PCDHGA1: variants seen among roughly 807,000 people sequenced by gnomAD.
The protein encoded by PCDHGA1 is protocadherin gamma-A1.
PCDHGA1 carries 32 observed loss-of-function variants against 58.0 expected under a neutral mutation model. That is an observed-to-expected ratio of 0.55 (90% CI 0.42 to 0.74). The LOEUF (loss-of-function observed/expected upper bound fraction) is 0.74. PCDHGA1 is among the 30% of genes least tolerant of loss of function. PCDHGA1 has a pLI of 0.00. For synonymous variants in PCDHGA1, 498 were observed against 501.1 expected, an observed-to-expected ratio of 0.99 and a Z score of 0.08; for missense variants, 1,205 against 1,182.3, an observed-to-expected ratio of 1.02 and a Z score of -0.28.
chr5:141,419,621 G>T, intron 1 of PCDHGA1: 2 of 1,612,306 alleles, frequency 1.2e-6, no homozygotes, highest in Non-Finnish European at 1.7e-6. Context: ...AGGCTACCTG[G>T]TGACCAAGGT....
At chr5:141,481,913 C>CAAAAA (rs34114744) in intron 1 of PCDHGA1, among the ~76,000 whole-genome samples, 2 of 90,852 alleles carry the variant, frequency 2.2e-5, no homozygotes, top group Non-Finnish European at 4.4e-5. Flanking sequence ...AACTCCATCT[C>CAAAAA]AAAAAAAAAA....
chr5:141,478,652 G>A (rs188883724), intron 1 of PCDHGA1: 2 of 1,551,970 alleles, frequency 1.3e-6, no homozygotes, highest in East Asian at 2.4e-5. Flanking sequence ...TGTTTTCCTG[G>A]TGATGCATTC....
intron 1 of PCDHGA1, chr5:141,399,623 C>A: frequency 6.2e-7 from 1 of 1,613,920 alleles, no homozygotes; most frequent in South Asian, 1.1e-5. Context: ...GCACTGGCCT[C>A]TTACGTGTCC....
At chr5:141,390,432 C>A in intron 1 of PCDHGA1, 2 of 985,350 alleles carry the variant, frequency 2.0e-6, no homozygotes, top group Admixed American at 2.8e-5. Context: ...GCTGTCATAT[C>A]ATTCTACAAA....
intron 1 of PCDHGA1, chr5:141,345,061 A>G: frequency 6.2e-7 from 1 of 1,613,974 alleles, no homozygotes; most frequent in Non-Finnish European, 8.5e-7. Flanking sequence ...GTGAATGACA[A>G]TGCTCCAGAA....
intron 1 of PCDHGA1, among the ~76,000 whole-genome samples, chr5:141,473,195 C>T (rs1053769499): frequency 6.6e-6 from 1 of 152,104 alleles, no homozygotes; most frequent in African/African-American, 2.4e-5. Flanking sequence ...GTAAATGTAT[C>T]TTCTAAAAAA....
chr5:141,356,104 A>G lies in PCDHGA1; in HGVS notation c.2421+22999A>G, dbSNP rs763528385. On this transcript the variant is annotated intron_variant, in intron 1 of 3. Transcript: ENST00000517417. ...GTTGAATTCTCTGAGTGGGGATATA[A>G]CAATATTGGGGGGTCTAGATTATGA... 184 of 1,613,800 alleles carry G rather than the reference A, an allele frequency of 1.1e-4. 1 individual carries two copies. In the South Asian group the frequency reaches 1.8e-3, roughly 16 times the overall value.
At chr5:141,352,377 C>A in intron 1 of PCDHGA1, 1 of 1,614,038 alleles carries the variant, frequency 6.2e-7, no homozygotes, top group South Asian at 1.1e-5. Flanking sequence ...GTGATTCTAG[C>A]GATCGCCCTG....
intron 1 of PCDHGA1, chr5:141,357,596 A>AAACAAAAGG: frequency 6.2e-7 from 1 of 1,614,148 alleles, no homozygotes; most frequent in Non-Finnish European, 8.5e-7. Context: ...GATTTACTTG[A>AAACAAAAGG]AACAAAAGGA....
At chr5:141,441,747 G>A in intron 1 of PCDHGA1, 2 of 372,470 alleles carry the variant, frequency 5.4e-6, no homozygotes, top group Non-Finnish European at 5.4e-6. Flanking sequence ...CGCGCTCGGC[G>A]TCAACGTGAG....
intron 1 of PCDHGA1, chr5:141,416,818 C>T (rs766541497): frequency 9.9e-5 from 15 of 151,960 alleles, no homozygotes; most frequent in Admixed American, 2.6e-4. Flanking sequence ...AAAAGCATTC[C>T]GAAGTTTCTC....
chr5:141,397,609 G>A (rs2093544805), intron 1 of PCDHGA1, among the ~76,000 whole-genome samples: 1 of 152,186 alleles, frequency 6.6e-6, no homozygotes. Flanking sequence ...AGTGACAAGG[G>A]CAATACTTAG....
chr5:141,371,481 G>A (rs1296629306), intron 1 of PCDHGA1: 1 of 1,613,956 alleles, frequency 6.2e-7, no homozygotes, highest in South Asian at 1.1e-5. Flanking sequence ...TGCTGAGCTG[G>A]GGACTGCCGT....
chr5:141,339,848 G>A (rs759098844), intron 1 of PCDHGA1: 2 of 1,614,052 alleles, frequency 1.2e-6, no homozygotes, highest in Admixed American at 1.7e-5. Flanking sequence ...AGAGGTATTT[G>A]AGCTTAAGTC....
Position 141,491,925 on chromosome 5 carries a change from G to C in PCDHGA1, c.2422-2882G>C. On this transcript the variant is annotated intron_variant, in intron 1 of 3. Coordinates refer to ENST00000517417, the MANE Select transcript of PCDHGA1 (RefSeq NM_018912.3). This position sits in a 1 kb window ranked among gnomAD's most constrained non-coding sequence, Gnocchi z 6.9. ...GGGTGGTGGCGACTGTGGGCGAGGG[G>C]AGGTGGGACCGACCCCCACCCCTAC... 1 of 1,325,176 alleles carries C rather than the reference G, an allele frequency of 7.5e-7. No individual in the cohort carries two copies. Among genetic ancestry groups the C allele is most frequent in the Non-Finnish European group, 1.0e-6 (1 of 987,300 alleles). The allele number at this position is 1,325,176 out of a possible 1,614,324, so 82.1% of individuals were successfully genotyped here.
At chr5:141,351,748 G>A in intron 1 of PCDHGA1, 1 of 1,613,678 alleles carries the variant, frequency 6.2e-7, no homozygotes. Flanking sequence ...AGCCGCGGGA[G>A]CTGTTGTCCT....
intron 1 of PCDHGA1, chr5:141,355,283 C>T: frequency 6.2e-7 from 1 of 1,613,722 alleles, no homozygotes; most frequent in East Asian, 2.2e-5. Flanking sequence ...GAAATCAGGG[C>T]CGAACAGATT....
intron 1 of PCDHGA1, among the ~76,000 whole-genome samples, chr5:141,459,386 T>C (rs1283863283): frequency 6.6e-6 from 1 of 152,260 alleles, no homozygotes; most frequent in African/African-American, 2.4e-5. Context: ...GTGTTCCATT[T>C]GATTGTTGAG....
At chr5:141,480,525 A>G (rs191522157) in intron 1 of PCDHGA1, among the ~76,000 whole-genome samples, 131 of 152,310 alleles carry the variant, frequency 8.6e-4, no homozygotes, top group African/African-American at 2.6e-3. Context: ...AAAAATGACA[A>G]AGTAGAAGCA....
Sources: allele counts gnomAD v4.1 joint callset (sites outside exome capture counted in the v4.1 genomes callset), GRCh38; gene constraint gnomAD v4.1.1; non-coding constraint Gnocchi (gnomAD v3.1); transcripts MANE v1.5; gene names NCBI Gene and HGNC (gene_info 2026-07-23, HGNC 2026-07-21).